Variants in FAM222B observed in about 807,000 individuals in gnomAD.
FAM222B encodes the protein family with sequence similarity 222 member B, also known as protein FAM222B.
In FAM222B, 12 loss-of-function variants were observed where a neutral mutation model predicts 38.0. That is an observed-to-expected ratio of 0.32 (90% CI 0.20 to 0.51). FAM222B has a LOEUF of 0.51. Ranked by LOEUF, FAM222B falls within the 20% of genes least tolerant of loss-of-function variation. The pLI is 0.97. For missense variants in FAM222B, 716 were observed against 754.2 expected (o/e 0.95, Z 0.59); for synonymous variants, 329 against 317.2 (o/e 1.04, Z -0.40).
chr17:28,826,366 C>T (rs577830200), intron 1 of FAM222B, among the ~76,000 whole-genome samples: 10 of 152,154 alleles, frequency 6.6e-5, no homozygotes, highest in Admixed American at 2.6e-4. Context: ...CACCCACGCC[C>T]GGCCATTAAC....
At chr17:28,805,229 G>A (rs897206202) in intron 1 of FAM222B, among the ~76,000 whole-genome samples, 2 of 152,026 alleles carry the variant, frequency 1.3e-5, no homozygotes, top group Non-Finnish European at 2.9e-5. Flanking sequence ...ATGATGATGC[G>A]AACCTGTGGT....
chr17:28,832,655 T>A (rs543957365), intron 1 of FAM222B, among the ~76,000 whole-genome samples: 1 of 152,330 alleles, frequency 6.6e-6, no homozygotes, highest in South Asian at 2.1e-4. Flanking sequence ...AATTGAGAGT[T>A]AACTTGTTTC....
chr17:28,806,571 T>C (rs1040310005), intron 1 of FAM222B, among the ~76,000 whole-genome samples: 2 of 152,180 alleles, frequency 1.3e-5, no homozygotes, highest in Non-Finnish European at 2.9e-5. Flanking sequence ...GCCTGGGCAA[T>C]ATAATTGGGA....
Position 28,756,319 on chromosome 17 carries a change from C to T in FAM222B, c.*1951G>A, listed in dbSNP as rs1250354250. On this transcript the variant is annotated 3_prime_UTR_variant, in exon 3 of 3. Coordinates refer to ENST00000581407, the MANE Select transcript of FAM222B (RefSeq NM_001077498.3). Reference sequence around the variant, plus strand: ...TGCAGACTAAGGGTGGGAGTGAGAGCTTCAGAGGCTTGCACCCCTACACAG... The same window carrying T: ...TGCAGACTAAGGGTGGGAGTGAGAGTTTCAGAGGCTTGCACCCCTACACAG... 1 of 152,494 alleles carries T rather than the reference C, an allele frequency of 6.6e-6. No homozygotes were observed. Among genetic ancestry groups the T allele is most frequent in the Non-Finnish European group, 1.5e-5 (1 of 68,068 alleles). The allele number at this position is 152,494 out of a possible 1,614,324, so 9.4% of individuals were successfully genotyped here.
chr17:28,843,902 G>A (rs1027658666), upstream of FAM222B, among the ~76,000 whole-genome samples: 2 of 152,152 alleles, frequency 1.3e-5, no homozygotes, highest in Non-Finnish European at 2.9e-5. Flanking sequence ...GAATGCACTG[G>A]GGACACCGCT....
rs142390810 is a variant in FAM222B at position 28,842,088 on chromosome 17, T to A, written c.-41+594A>T. 5.8e-4 allele frequency among the ~76,000 whole-genome samples: 88 copies of A among 152,332 alleles called. 1 individual carries two copies. The highest frequency in any genetic ancestry group is 1.8e-3 in the African/African-American group (76 of 41,578). On this transcript the variant is annotated intron_variant, in intron 1 of 2. Transcript: ENST00000581407. ...CAATCTCAATTACATAGGTGATGCT[T>A]GCAATAGCCCGTTTGAAGCATGACA...
At chr17:28,846,372 A>T (rs868008615), upstream of FAM222B, among the ~76,000 whole-genome samples, 15 of 151,476 alleles carry the variant, frequency 9.9e-5, no homozygotes, top group East Asian at 5.8e-4. Context: ...TCTCAAAAAA[A>T]TTTTTTTAAT....
Position 28,831,504 on chromosome 17 carries a change from C to CTT in FAM222B, c.-41+11176_-41+11177dup, listed in dbSNP as rs35692613. Among the ~76,000 whole-genome samples the CTT allele has an allele frequency of 2.1e-3, 233 of 110,840 alleles. 3 individuals are homozygous for CTT. The highest frequency in any genetic ancestry group is 5.4e-3 in the Middle Eastern group (1 of 184). The allele number at this position is 110,840 out of a possible 152,430, so 72.7% of individuals were successfully genotyped here. Reference sequence around the variant, plus strand: ...AATTTTAGAATTAGCTTGTCAAAGGCTTTTTTTTTTTTTTTTTTTTGATAC... The same window carrying CTT: ...AATTTTAGAATTAGCTTGTCAAAGGCTTTTTTTTTTTTTTTTTTTTTTGATAC... On this transcript the variant is annotated intron_variant, in intron 1 of 2. Transcript: ENST00000581407.
intron 1 of FAM222B, among the ~76,000 whole-genome samples, chr17:28,781,487 A>G (rs1822181665): frequency 6.6e-6 from 1 of 152,082 alleles, no homozygotes; most frequent in Admixed American, 6.6e-5. Flanking sequence ...GTTTCTCACA[A>G]AACTGGAAAC....
chr17:28,803,922 A>C (rs1482060549), intron 1 of FAM222B, among the ~76,000 whole-genome samples: 1 of 152,038 alleles, frequency 6.6e-6, no homozygotes, highest in Non-Finnish European at 1.5e-5. Context: ...CAGAGGATGC[A>C]GTAAGCCGAG....
chr17:28,805,843 T>TA (rs1022196864), intron 1 of FAM222B, among the ~76,000 whole-genome samples: 2 of 152,012 alleles, frequency 1.3e-5, no homozygotes, highest in African/African-American at 4.8e-5. Context: ...AGCTGTTGCC[T>TA]AAAAATGTGC....
At chr17:28,785,309 T>C (rs1410794213) in intron 1 of FAM222B, among the ~76,000 whole-genome samples, 1 of 152,170 alleles carries the variant, frequency 6.6e-6, no homozygotes, top group Non-Finnish European at 1.5e-5. Flanking sequence ...ATAGTAAGCA[T>C]ACTTATTTTT....
At chr17:28,832,521 C>T (rs558246204) in intron 1 of FAM222B, among the ~76,000 whole-genome samples, 1 of 152,290 alleles carries the variant, frequency 6.6e-6, no homozygotes, top group Admixed American at 6.5e-5. Flanking sequence ...CGTACACATC[C>T]TTCAGGTCTT....
At chr17:28,773,479 CAAAAAAAAAAA>C (rs66716142) in intron 1 of FAM222B, among the ~76,000 whole-genome samples, 2 of 60,760 alleles carry the variant, frequency 3.3e-5, no homozygotes, top group Non-Finnish European at 5.7e-5. Context: ...AACTCTGTCT[CAAAAAAAAAAA>C]AAAAAAAAAA....
chr17:28,848,651 G>C (rs1247487841), intron 1 of FAM222B, among the ~76,000 whole-genome samples: 1 of 151,912 alleles, frequency 6.6e-6, no homozygotes, highest in African/African-American at 2.4e-5. Context: ...CCAGCTACTT[G>C]GGAGGCTGAG....
intron 1 of FAM222B, among the ~76,000 whole-genome samples, chr17:28,823,408 T>C (rs2038332901): frequency 6.7e-6 from 1 of 150,154 alleles, no homozygotes; most frequent in Non-Finnish European, 1.5e-5. Context: ...TCACATGGAG[T>C]GCAGTGGTGC....
intron 1 of FAM222B, chr17:28,802,544 A>G (rs4262997): frequency 0.19 from 29,731 of 157,196 alleles, 2,990 homozygotes; most frequent in South Asian, 0.29. Flanking sequence ...AAGTGCATTC[A>G]TGGAGTGAGC....
intron 1 of FAM222B, among the ~76,000 whole-genome samples, chr17:28,798,691 G>GTGGCGCGATCT (rs2037060699): frequency 6.7e-6 from 1 of 149,372 alleles, no homozygotes; most frequent in African/African-American, 2.5e-5. Flanking sequence ...CTGGAGTGCA[G>GTGGCGCGATCT]TGGCGCGATC....
chr17:28,834,047 T>C (rs866990111), intron 1 of FAM222B, among the ~76,000 whole-genome samples: 1 of 152,210 alleles, frequency 6.6e-6, no homozygotes, highest in South Asian at 2.1e-4. Context: ...TGACAACTCC[T>C]TCTTCTTTAC....
Sources: allele counts gnomAD v4.1 joint callset (sites outside exome capture counted in the v4.1 genomes callset), GRCh38; gene constraint gnomAD v4.1.1; transcripts MANE v1.5; gene names NCBI Gene and HGNC (gene_info 2026-07-23, HGNC 2026-07-21).